Variants in SLF1 observed in about 807,000 individuals in gnomAD.
SLF1 encodes the protein SMC5-SMC6 complex localization factor protein 1.
SLF1 carries 105 observed loss-of-function variants against 123.0 expected under a neutral mutation model. That is an observed-to-expected ratio of 0.85 (90% CI 0.73 to 1.00). The LOEUF is 1.00. SLF1 is among the 50% of genes least tolerant of loss of function. The pLI is 0.00. For synonymous variants in SLF1, 434 were observed against 406.6 expected (o/e 1.07, Z -0.81); for missense variants, 1,239 against 1,223.0 (o/e 1.01, Z -0.20).
At chr5:94,681,050 C>T (rs1751700435) in intron 15 of SLF1, among the ~76,000 whole-genome samples, 1 of 152,236 alleles carries the variant, frequency 6.6e-6, no homozygotes, top group African/African-American at 2.4e-5. Context: ...TACACGTGTG[C>T]ATGTGCACAC....
At chr5:94,684,604 A>C (rs1331624341) in intron 15 of SLF1, among the ~76,000 whole-genome samples, 1 of 149,468 alleles carries the variant, frequency 6.7e-6, no homozygotes, top group Non-Finnish European at 1.5e-5. Context: ...AGCCTGAGCC[A>C]GGAGAATGGT....
chr5:94,686,354 G>T (rs1413814953), intron 15 of SLF1, among the ~76,000 whole-genome samples: 2 of 151,902 alleles, frequency 1.3e-5, no homozygotes, highest in African/African-American at 4.8e-5. Context: ...CCTAATGATT[G>T]TTTTTTTCAA....
chr5:94,640,911 G>A (rs77136225), intron 4 of SLF1, among the ~76,000 whole-genome samples: 387 of 152,206 alleles, frequency 2.5e-3, no homozygotes, highest in African/African-American at 9.1e-3. Context: ...GTTGTTTTCT[G>A]ATAATTTCAA....
intron 19 of SLF1, 116 bp from the exon 20 acceptor site, chr5:94,691,957 CT>C: frequency 1.1e-6 from 1 of 916,296 alleles, no homozygotes; most frequent in Non-Finnish European, 1.6e-6. Flanking sequence ...TCACAGCATT[CT>C]TTTTGTATAT....
chr5:94,631,663 T>A (rs762898222), intron 4 of SLF1, among the ~76,000 whole-genome samples: 6 of 152,236 alleles, frequency 3.9e-5, no homozygotes, highest in Non-Finnish European at 7.3e-5. Context: ...TTGGTAGATA[T>A]TTGGGATTTT....
At chr5:94,655,594 C>A (rs917349343) in intron 9 of SLF1, among the ~76,000 whole-genome samples, 2 of 151,934 alleles carry the variant, frequency 1.3e-5, no homozygotes, top group Non-Finnish European at 2.9e-5. Flanking sequence ...AATGTCTTTC[C>A]ATTTGTTTGT....
intron 9 of SLF1, among the ~76,000 whole-genome samples, chr5:94,656,916 A>T (rs573528171): frequency 2.7e-3 from 409 of 150,202 alleles, no homozygotes; most frequent in African/African-American, 9.5e-3. Context: ...TTTAACTTTT[A>T]AAAAAAATTA....
Position 94,674,790 on chromosome 5 carries a change from G to A in SLF1, c.1827+3782G>A, listed in dbSNP as rs546457744. On this transcript the variant is annotated intron_variant, in intron 14 of 20. Coordinates refer to ENST00000265140, the MANE Select transcript of SLF1 (RefSeq NM_032290.4). ...TGGGCTTTCCTTGGCAAAGAGCAGAGGTGGGCTGTGTCAAGGTTATGGAGG... is the reference window on the plus strand; with the variant it reads ...TGGGCTTTCCTTGGCAAAGAGCAGAAGTGGGCTGTGTCAAGGTTATGGAGG... Among the ~76,000 whole-genome samples, 153 of 152,310 alleles carry A rather than the reference G, an allele frequency of 1.0e-3. 3 individuals carry two copies. The highest frequency in any genetic ancestry group is 3.9e-4 in the Admixed American group (6 of 15,306).
At chr5:94,623,675 C>G (rs1287239977) in intron 1 of SLF1, among the ~76,000 whole-genome samples, 3 of 152,000 alleles carry the variant, frequency 2.0e-5, no homozygotes, top group Non-Finnish European at 4.4e-5. Flanking sequence ...TCCTCCCTAC[C>G]TCAGACATAT....
At chr5:94,636,282 A>G (rs1745761657) in intron 4 of SLF1, among the ~76,000 whole-genome samples, 1 of 152,166 alleles carries the variant, frequency 6.6e-6, no homozygotes, top group Non-Finnish European at 1.5e-5. Flanking sequence ...GTTAAATTTG[A>G]TTAGAAACCA....
intron 6 of SLF1, 66 bp from the exon 7 acceptor site, chr5:94,651,636 G>C (rs1747738060): frequency 2.3e-6 from 3 of 1,294,574 alleles, no homozygotes; most frequent in Non-Finnish European, 3.1e-6. Flanking sequence ...TTTGTGACTT[G>C]TGTTGATTGT....
At chr5:94,621,987 G>C (rs1791838822) in intron 1 of SLF1, among the ~76,000 whole-genome samples, 1 of 152,040 alleles carries the variant, frequency 6.6e-6, no homozygotes, top group Non-Finnish European at 1.5e-5. Flanking sequence ...AAAAAAGTCT[G>C]AAGGCCAGCT....
chr5:94,662,746 CAAAAT>C (rs1446064139), intron 10 of SLF1, among the ~76,000 whole-genome samples: 19 of 142,348 alleles, frequency 1.3e-4, no homozygotes, highest in Non-Finnish European at 4.7e-5. Context: ...CATTTCAGAA[CAAAAT>C]AAACCTACAA....
At chr5:94,682,645 G>A (rs1751940104) in intron 15 of SLF1, among the ~76,000 whole-genome samples, 1 of 152,146 alleles carries the variant, frequency 6.6e-6, no homozygotes, top group African/African-American at 2.4e-5. Flanking sequence ...TAAGGCAACA[G>A]ATATTTTAGA....
At chr5:94,639,756 T>C (rs186410950) in intron 4 of SLF1, among the ~76,000 whole-genome samples, 1 of 152,338 alleles carries the variant, frequency 6.6e-6, no homozygotes. Flanking sequence ...AAGTGGATCA[T>C]CATAAACGTC....
intron 4 of SLF1, among the ~76,000 whole-genome samples, chr5:94,631,832 T>A (rs1223806449): frequency 6.6e-6 from 1 of 152,184 alleles, no homozygotes. Flanking sequence ...AATGCCAAAC[T>A]GGCCAGGCAT....
intron 20 of SLF1, among the ~76,000 whole-genome samples, chr5:94,692,906 T>G (rs1753189953): frequency 6.6e-6 from 1 of 152,188 alleles, no homozygotes; most frequent in Non-Finnish European, 1.5e-5. Context: ...TTCAGTGTCA[T>G]TCTTCTTATA....
Position 94,696,563 on chromosome 5 carries a change from A to G in SLF1, c.*1251A>G, listed in dbSNP as rs1753522311. ...TATCAGACAAAAAATGATATAGTGA[A>G]GACTATCTAAGAAGAGTTTAAATGC... On this transcript the variant is annotated 3_prime_UTR_variant, in exon 21 of 21. Transcript: ENST00000265140. 3 of 151,882 alleles carry G rather than the reference A, an allele frequency of 2.0e-5. No homozygotes were observed. The highest frequency in any genetic ancestry group is 7.2e-5 in the African/African-American group (3 of 41,396). The allele number at this position is 151,882 out of a possible 1,614,324, so 9.4% of individuals were successfully genotyped here.
chr5:94,689,236 C>G (rs1294636617), intron 17 of SLF1, among the ~76,000 whole-genome samples: 3 of 152,052 alleles, frequency 2.0e-5, no homozygotes, highest in Non-Finnish European at 4.4e-5. Context: ...ATTTGACATT[C>G]TGTATTTATA....
Sources: allele counts gnomAD v4.1 joint callset (sites outside exome capture counted in the v4.1 genomes callset), GRCh38; gene constraint gnomAD v4.1.1; transcripts MANE v1.5; gene names NCBI Gene and HGNC (gene_info 2026-07-23, HGNC 2026-07-21).